The following KRT5 variants were observed in gnomAD, a reference collection of about 807,000 sequenced individuals.
The protein encoded by KRT5 is keratin, type II cytoskeletal 5.
In KRT5, 17 loss-of-function variants were observed where a neutral mutation model predicts 44.0. The ratio of observed to expected loss-of-function variants is 0.39; its 90% CI spans 0.26 to 0.58. KRT5 has a LOEUF of 0.58. Ranked by LOEUF, KRT5 falls within the 20% of genes least tolerant of loss-of-function variation. The pLI is 0.61. For missense variants in KRT5, 737 were observed against 785.5 expected (o/e 0.94, Z 0.74); for synonymous variants, 329 against 312.8 (o/e 1.05, Z -0.55).
chr12:52,516,907 CCTT>C lies in KRT5; in HGVS notation c.1219-53_1219-51del, dbSNP rs1938621029. 5 of 1,601,208 alleles carry C rather than the reference CCTT, an allele frequency of 3.1e-6. No individual in the cohort carries two copies. In the African/African-American group the frequency reaches 4.0e-5, roughly 13 times the overall value. The stretch of plus-strand genomic sequence containing the variant: ...GGGTTGCTTGGGACCTGAGGTGTCT[CCTT>C]CTGAGTTTCTGGGTCAGACAAACCA... On this transcript the variant is annotated intron_variant, in intron 6 of 8. Transcript: ENST00000252242.
In KRT5 at chr12:52,520,361, C is replaced by T; in HGVS notation, c.-65G>A. The T allele has an allele frequency of 2.0e-6, 3 of 1,470,642 alleles. No homozygotes were observed. In the Admixed American group the frequency reaches 5.1e-5, roughly 25 times the overall value. 91.1% of individuals were successfully genotyped at this position (1,470,642 alleles called of 1,614,324 possible). A position where few individuals can be genotyped will look rare whatever the true frequency, so the allele number is the denominator to read the frequency against. ...GTGGGTTGGGAGGTGCTGGAGAGAA[C>T]AGAGCTCAGCAGGACGCAGAAGGTG... On this transcript the variant is annotated 5_prime_UTR_variant, in exon 1 of 9. Transcript: ENST00000252242.
chr12:52,518,862 G>T lies in KRT5; in HGVS notation c.770+84C>A, dbSNP rs191204713. 13 of 1,521,466 alleles carry T rather than the reference G, an allele frequency of 8.5e-6. No homozygotes were observed. The African/African-American group carries it at 1.5e-4, about 18-fold the overall frequency. The allele number at this position is 1,521,466 out of a possible 1,614,324, so 94.2% of individuals were successfully genotyped here. The stretch of plus-strand genomic sequence containing the variant: ...TATATCCTCCCAGCCCCAAAGGAAG[G>T]CATGGTAGTAGACTAGTAACAAAGC... On this transcript the variant is annotated intron_variant, in intron 2 of 8. Transcript: ENST00000252242.
rs4761924 is a variant in KRT5, at chr12:52,517,617, T to G, written c.1065A>C (p.Thr355=). 214,297 of 1,614,020 alleles carry G rather than the reference T, an allele frequency of 0.13. 15,074 individuals are homozygous for G. Among genetic ancestry groups the G allele is most frequent in the Middle Eastern group, 0.19 (1,153 of 6,060 alleles). The change falls in exon 5 of 9, where the codon ACA becomes ACC. Residue 355 remains threonine (T), a synonymous_variant. Transcript: ENST00000252242. ...TGGTCTGATACCAGGACTCGGCTTC[T>G]GTCCGGCTGCGGTTGGCAATCTCCT... The part of the protein sequence containing the change: ...QYEEIANRSR[T]EAESWYQTKY...
intron 7 of KRT5, 99 bp downstream of exon 7, chr12:52,516,538 A>G (rs1369649140): frequency 8.5e-7 from 1 of 1,179,676 alleles, no homozygotes; most frequent in East Asian, 2.3e-5. Context: ...ATTATCACGC[A>G]CAAGTCACTG....
rs1938577404 is a variant in KRT5 at position 52,514,828 on chromosome 12, G to C, written c.*114C>G. ...AAGAATGTGGTTCTGCAATTGGCTT[G>C]GTCTAGACTACTCTCCAGAAAAGGA... On this transcript the variant is annotated 3_prime_UTR_variant, in exon 9 of 9. Transcript: ENST00000252242. The C allele has an allele frequency of 3.3e-6, 3 of 907,684 alleles. No homozygotes were observed. Among genetic ancestry groups the C allele is most frequent in the South Asian group, 1.5e-5 (1 of 67,698 alleles). The allele number at this position is 907,684 out of a possible 1,614,324, so 56.2% of individuals were successfully genotyped here. A position where few individuals can be genotyped will look rare whatever the true frequency, so the allele number is the denominator to read the frequency against.
Position 52,518,936 on chromosome 12 carries a change from C to T in KRT5, c.770+10G>A, listed in dbSNP as rs1938662192. Reference sequence around the variant, plus strand: ...ACCCTCCCCTGTGTCCACCCTCCACCCCAACTCACTTGTTCTTGAAGTCTT... The same window carrying T: ...ACCCTCCCCTGTGTCCACCCTCCACTCCAACTCACTTGTTCTTGAAGTCTT... On this transcript the variant is annotated intron_variant, in intron 2 of 8. Coordinates refer to ENST00000252242, the MANE Select transcript of KRT5 (RefSeq NM_000424.4). 2.5e-6 allele frequency: 4 copies of T among 1,614,192 alleles called. No homozygotes were observed. Among genetic ancestry groups the T allele is most frequent in the Non-Finnish European group, 3.4e-6 (4 of 1,180,036 alleles).
At chr12:52,516,385 T>G in intron 7 of KRT5, 4 of 526,920 alleles carry the variant, frequency 7.6e-6, no homozygotes, top group Non-Finnish European at 1.4e-5. Context: ...AAGGCACAAG[T>G]GTCAAGAAGA....
intron 2 of KRT5, chr12:52,518,505 AAAAG>A: frequency 1.8e-6 from 1 of 554,536 alleles, no homozygotes; most frequent in Admixed American, 2.3e-5. Flanking sequence ...TTTAAAAAAA[AAAAG>A]AAAAGAAACA....
chr12:52,515,675 T>C, intron 8 of KRT5, 123 bp downstream of exon 8: 2 of 816,928 alleles, frequency 2.4e-6, no homozygotes, highest in Non-Finnish European at 4.2e-6. Flanking sequence ...ACTAAGTGTA[T>C]TATTATAAAT....
Position 52,516,236 on chromosome 12 carries a change from C to A in KRT5, c.1439+401G>T, listed in dbSNP as rs1197359374. 4 of 400,796 alleles carry A rather than the reference C, an allele frequency of 1.0e-5. No individual in the cohort carries two copies. In the Admixed American group the frequency reaches 1.2e-4, roughly 12 times the overall value. The allele number at this position is 400,796 out of a possible 1,614,324, so 24.8% of individuals were successfully genotyped here. On this transcript the variant is annotated intron_variant, in intron 7 of 8. Coordinates refer to ENST00000252242, the MANE Select transcript of KRT5 (RefSeq NM_000424.4). ...TTGAAGCAAACAGTAGTTTGACAAT[C>A]CAAAGGTAGCTGAGTTTAACTCAGC...
rs116931869 is a variant in KRT5 at position 52,520,258 on chromosome 12, G to A, written c.39C>T (p.Gly13=). ...CAGAGGCGGTGCTGAAGCTACGACT[G>A]CCCCCGCTCCGGAAGGACACACTTG... ...RQSSVSFRSG[G]SRSFSTASAI... is the part of the protein sequence containing the mutation. Residue 13 remains glycine, a synonymous_variant, in exon 1 of 9, where the codon GGC becomes GGT. Transcript: ENST00000252242. 9.3e-4 allele frequency: 1,504 copies of A among 1,613,864 alleles called. 2 individuals carry two copies. The highest frequency in any genetic ancestry group is 1.1e-3 in the Non-Finnish European group (1,340 of 1,180,030).
chr12:52,516,407 C>A (rs1282861449), intron 7 of KRT5: 2 of 570,152 alleles, frequency 3.5e-6, no homozygotes, highest in Admixed American at 5.5e-5. Context: ...TGCTGAGTTG[C>A]TCAGGTGCTT....
chr12:52,514,860 A>T lies in KRT5; in HGVS notation c.*82T>A. 1.6e-6 allele frequency: 2 copies of T among 1,222,364 alleles called. No homozygotes were observed. Among genetic ancestry groups the T allele is most frequent in the Non-Finnish European group, 2.4e-6 (2 of 832,314 alleles). The allele number at this position is 1,222,364 out of a possible 1,614,324, so 75.7% of individuals were successfully genotyped here. ...ACTACTCTCCAGAAAAGGATAAAAC[A>T]TGGCTTGAGCAACTGCCTAGAAGAG... On this transcript the variant is annotated 3_prime_UTR_variant, in exon 9 of 9. Coordinates refer to ENST00000252242, the MANE Select transcript of KRT5 (RefSeq NM_000424.4).
intron 6 of KRT5, 110 bp from the exon 7 acceptor site, chr12:52,516,967 C>T (rs1259764763): frequency 1.3e-6 from 2 of 1,508,652 alleles, no homozygotes; most frequent in Non-Finnish European, 1.8e-6. Flanking sequence ...GAAACCAGTA[C>T]ATCGTGGGTG....
At chr12:52,516,928 A>C (rs1799848) in intron 6 of KRT5, 71 bp from the exon 7 acceptor site, 1 of 1,576,548 alleles carries the variant, frequency 6.3e-7, no homozygotes, top group East Asian at 2.2e-5. Context: ...TCTGGGTCAG[A>C]CAAACCAAAC....
rs774089332 is a variant in KRT5, at chr12:52,516,728, G to A, written c.1348C>T (p.Leu450=). 5.6e-6 allele frequency: 9 copies of A among 1,614,202 alleles called. No homozygotes were observed. In the South Asian group the frequency reaches 9.9e-5, roughly 18 times the overall value. ...QKAKQDMARL[L]REYQELMNTK... ...TTCATGAGCTCCTGGTACTCACGCA[G>A]CAGCCGGGCCATGTCCTGCTTGGCC... The change falls in exon 7 of 9, where the codon CTG becomes TTG. Residue 450 remains leucine (L), a synonymous_variant. Transcript: ENST00000252242.
intron 1 of KRT5, chr12:52,519,408 T>G: frequency 1.5e-6 from 1 of 660,770 alleles, no homozygotes; most frequent in Non-Finnish European, 2.6e-6. Context: ...GGCTCAGGGG[T>G]GGCTGCAAAG....
intron 1 of KRT5, 136 bp downstream of exon 1, chr12:52,519,606 G>T (rs1487039937): frequency 1.4e-5 from 14 of 980,014 alleles, no homozygotes; most frequent in Non-Finnish European, 2.1e-5. Context: ...CAAATCCAGG[G>T]CACAGAAACA....
chr12:52,516,197 G>A (rs529929497), intron 7 of KRT5: 1 of 434,582 alleles, frequency 2.3e-6, no homozygotes, highest in Non-Finnish European at 4.2e-6. Context: ...GTAGGCAATG[G>A]GCAATGTCAG....
Sources: allele counts gnomAD v4.1 joint callset, GRCh38; gene constraint gnomAD v4.1.1; transcripts MANE v1.5; gene names NCBI Gene and HGNC (gene_info 2026-07-23, HGNC 2026-07-21).